CLHC1: variants seen among roughly 807,000 people sequenced by gnomAD.
CLHC1 encodes clathrin heavy chain linker domain-containing protein 1.
A neutral mutation model predicts 69.5 loss-of-function variants in CLHC1; 72 were observed. The observed-to-expected ratio is 1.04, with a 90% CI of 0.86 to 1.26. The LOEUF is 1.26. CLHC1 is among the 50% of genes most tolerant of loss of function. CLHC1 has a pLI of 0.00. For synonymous variants in CLHC1, 223 were observed against 224.3 expected (o/e 0.99, Z 0.05); for missense variants, 790 against 679.3 (o/e 1.16, Z -1.81).
intron 2 of CLHC1, among the ~76,000 whole-genome samples, chr2:55,226,204 A>G (rs1278802460): frequency 6.8e-6 from 1 of 146,050 alleles, no homozygotes; most frequent in African/African-American, 2.6e-5. Flanking sequence ...AAAAAAAAAA[A>G]GAGAAAGAGT....
chr2:55,199,561 C>A (rs1238755208), intron 9 of CLHC1, among the ~76,000 whole-genome samples: 6 of 151,748 alleles, frequency 4.0e-5, no homozygotes, highest in African/African-American at 1.5e-4. Flanking sequence ...TAGATAGAAA[C>A]AACAAAAAAT....
chr2:55,184,233 G>A (rs1253495991), intron 9 of CLHC1, among the ~76,000 whole-genome samples: 2 of 151,692 alleles, frequency 1.3e-5, no homozygotes, highest in East Asian at 1.9e-4. Context: ...AGCCTCCTGG[G>A]TAGCTGGGAC....
chr2:55,199,960 A>G (rs1317869495), intron 9 of CLHC1, among the ~76,000 whole-genome samples: 2 of 152,176 alleles, frequency 1.3e-5, no homozygotes, highest in African/African-American at 4.8e-5. Context: ...ACAGTGGCTC[A>G]CACCTGTAAT....
chr2:55,214,868 C>T (rs1673347944), intron 4 of CLHC1: 1 of 152,038 alleles, frequency 6.6e-6, no homozygotes, highest in Non-Finnish European at 1.5e-5. Context: ...TATTATTCAG[C>T]CATAAAAAGG....
chr2:55,200,235 A>AAAAC (rs1433432968), intron 9 of CLHC1, among the ~76,000 whole-genome samples: 72 of 139,616 alleles, frequency 5.2e-4, no homozygotes, highest in African/African-American at 1.9e-3. Flanking sequence ...TAAAAAAAAA[A>AAAAC]AAAAAAAAAA....
intron 11 of CLHC1, among the ~76,000 whole-genome samples, chr2:55,179,851 G>A (rs76290026): frequency 0.017 from 2,657 of 152,126 alleles, 82 homozygotes; most frequent in African/African-American, 0.061. Flanking sequence ...TTATATTACA[G>A]TTCAAAACAT....
At chr2:55,221,426 A>C (rs1161026490) in intron 3 of CLHC1, among the ~76,000 whole-genome samples, 1 of 152,240 alleles carries the variant, frequency 6.6e-6, no homozygotes, top group African/African-American at 2.4e-5. Flanking sequence ...CCCTATTTCC[A>C]ATATTAATTC....
rs1207671969 is a variant in CLHC1 at position 55,174,729 on chromosome 2, T to G, written c.*1061A>C. 1 of 152,236 alleles carries G rather than the reference T, an allele frequency of 6.6e-6. No homozygotes were observed. The highest frequency in any genetic ancestry group is 1.5e-5 in the Non-Finnish European group (1 of 68,048). The allele number at this position is 152,236 out of a possible 1,614,324, so 9.4% of individuals were successfully genotyped here. A position where few individuals can be genotyped will look rare whatever the true frequency, so the allele number is the denominator to read the frequency against. ...TTTAGGATGGGAAAAGTTATGCTCT[T>G]TGCTCTTATTCTAATAGCAGATCAT... On this transcript the variant is annotated 3_prime_UTR_variant, in exon 13 of 13. Transcript: ENST00000401408.
chr2:55,222,494 C>A lies in CLHC1; in HGVS notation c.-82-1G>T. The A allele has an allele frequency of 2.0e-6, 2 of 1,001,364 alleles. No homozygotes were observed. Among genetic ancestry groups the A allele is most frequent in the Non-Finnish European group, 2.9e-6 (2 of 684,390 alleles). The allele number at this position is 1,001,364 out of a possible 1,614,324, so 62.0% of individuals were successfully genotyped here. A position where few individuals can be genotyped will look rare whatever the true frequency, so the allele number is the denominator to read the frequency against. ...CAACAAAGCCAAAACTTTGATAAGC[C>A]TGAAAGAAAAAAAGAGCATCAATTA... On this transcript the variant is annotated splice_acceptor_variant, in intron 2 of 12. Transcript: ENST00000401408. LOFTEE classifies it low-confidence loss of function (5UTR_SPLICE).
rs1387213087 is a variant in CLHC1, at chr2:55,209,666, T to A, written c.665A>T (p.Asp222Val). 6.2e-7 allele frequency: 1 copy of A among 1,614,040 alleles called. No homozygotes were observed. The highest frequency in any genetic ancestry group is 8.5e-7 in the Non-Finnish European group (1 of 1,180,032). ...EEMIVLLKRR[D>V]VAENLNKKLQ... ...TTTTTTGTTCAGATTTTCAGCTACA[T>A]CTCGCCGTTTTAATAACACAATCAT... The change falls in exon 6 of 13, where the codon GAT becomes GTT. Residue 222 changes from aspartate to valine, a missense_variant. Coordinates refer to ENST00000401408, the MANE Select transcript of CLHC1 (RefSeq NM_152385.4).
At chr2:55,214,623 T>C (rs1212284018) in intron 4 of CLHC1, 1 of 152,248 alleles carries the variant, frequency 6.6e-6, no homozygotes, top group Non-Finnish European at 1.5e-5. Flanking sequence ...GAGCTTACAG[T>C]ATTTATGAAA....
Position 55,174,638 on chromosome 2 carries a change from T to C in CLHC1, c.*1152A>G, listed in dbSNP as rs144059413. ...AAGAGGTAGGACCAGAATTTTAATA[T>C]GAAGCTGTCTGACTCCCCGTTCATC... On this transcript the variant is annotated 3_prime_UTR_variant, in exon 13 of 13. Coordinates refer to ENST00000401408, the MANE Select transcript of CLHC1 (RefSeq NM_152385.4). Among the ~76,000 whole-genome samples, 90 of 152,342 alleles carry C rather than the reference T, an allele frequency of 5.9e-4. 2 individuals carry two copies. The East Asian group carries it at 0.015, about 25-fold the overall frequency.
intron 3 of CLHC1, among the ~76,000 whole-genome samples, chr2:55,220,606 G>C (rs979725253): frequency 2.0e-5 from 3 of 152,010 alleles, no homozygotes; most frequent in African/African-American, 7.3e-5. Context: ...GTTTTCTCTA[G>C]GAATTAAATT....
In CLHC1 at chr2:55,175,787, G is replaced by A; in HGVS notation, c.*3C>T. 6.2e-7 allele frequency: 1 copy of A among 1,612,202 alleles called. No homozygotes were observed. Among genetic ancestry groups the A allele is most frequent in the South Asian group, 1.1e-5 (1 of 90,960 alleles). On this transcript the variant is annotated 3_prime_UTR_variant, in exon 13 of 13. Coordinates refer to ENST00000401408, the MANE Select transcript of CLHC1 (RefSeq NM_152385.4). Reference sequence around the variant, plus strand: ...AGCTCCCTCAGCTGGTTAAGATATAGAACTACCAAAACACATGTTCCATTA... The same window carrying A: ...AGCTCCCTCAGCTGGTTAAGATATAAAACTACCAAAACACATGTTCCATTA...
Position 55,198,906 on chromosome 2 carries a change from T to A in CLHC1, c.1006+7364A>T, listed in dbSNP as rs1051749013. ...AAAACATTTACCCTAGAATAATATA[T>A]CTGGCAAAAAATATCCTTCAAACAC... On this transcript the variant is annotated intron_variant, in intron 9 of 12. Coordinates refer to ENST00000401408, the MANE Select transcript of CLHC1 (RefSeq NM_152385.4). Among the ~76,000 whole-genome samples the A allele has an allele frequency of 2.6e-5, 4 of 152,050 alleles. No individual in the cohort carries two copies. In the South Asian group the frequency reaches 8.3e-4, roughly 32 times the overall value.
At chr2:55,228,935 AGG>A (rs1674979654) in intron 1 of CLHC1, among the ~76,000 whole-genome samples, 1 of 152,094 alleles carries the variant, frequency 6.6e-6, no homozygotes, top group Non-Finnish European at 1.5e-5. Context: ...GGATCACTTG[AGG>A]TTAGGAGTTT....
At chr2:55,192,794 C>G (rs749072227) in intron 9 of CLHC1, among the ~76,000 whole-genome samples, 1 of 152,014 alleles carries the variant, frequency 6.6e-6, no homozygotes, top group Non-Finnish European at 1.5e-5. Context: ...AAACTGGACC[C>G]CTACCTCACA....
At chr2:55,210,011 A>G (rs1035242278) in intron 5 of CLHC1, among the ~76,000 whole-genome samples, 180 bp from the exon 6 acceptor site, 1 of 151,948 alleles carries the variant, frequency 6.6e-6, no homozygotes, top group African/African-American at 2.4e-5. Flanking sequence ...CTAGCAGGTT[A>G]TTTATTTATT....
intron 9 of CLHC1, among the ~76,000 whole-genome samples, chr2:55,205,419 A>ACT: frequency 6.6e-6 from 1 of 151,236 alleles, no homozygotes; most frequent in South Asian, 2.2e-4. Flanking sequence ...ACACACACAC[A>ACT]CACGCACACA....
Sources: allele counts gnomAD v4.1 joint callset (sites outside exome capture counted in the v4.1 genomes callset), GRCh38; gene constraint gnomAD v4.1.1; transcripts MANE v1.5; gene names NCBI Gene and HGNC (gene_info 2026-07-23, HGNC 2026-07-21).